CETN1: variants seen among roughly 807,000 people sequenced by gnomAD.
CETN1 encodes the protein centrin-1.
CETN1 carries 6 observed loss-of-function variants against 8.1 expected under a neutral mutation model. That is an observed-to-expected ratio of 0.74 (90% CI 0.40 to 1.46). The LOEUF (loss-of-function observed/expected upper bound fraction) is 1.46, where lower values mean the gene tolerates loss of function less well. Among genes scored for constraint, CETN1 ranks in the 40% most tolerant of loss-of-function variants. The pLI, the probability that CETN1 is intolerant of heterozygous loss-of-function variation, is 0.02. For missense variants in CETN1, 215 were observed against 226.2 expected, an observed-to-expected ratio of 0.95 and a Z score of 0.32; for synonymous variants, 99 against 90.3, an observed-to-expected ratio of 1.10 and a Z score of -0.55.
rs1005926859 is a variant in CETN1 at position 581,310 on chromosome 18, T to G, written c.*383T>G. 8 of 186,176 alleles carry G rather than the reference T, an allele frequency of 4.3e-5. No individual in the cohort carries two copies. Among genetic ancestry groups the G allele is most frequent in the Non-Finnish European group, 6.3e-5 (5 of 79,900 alleles). 11.5% of individuals were successfully genotyped at this position (186,176 alleles called of 1,614,324 possible). A position where few individuals can be genotyped will look rare whatever the true frequency, so the allele number is the denominator to read the frequency against. On this transcript the variant is annotated 3_prime_UTR_variant, in exon 1 of 1. Transcript: ENST00000327228. ...ATTATCTTGCTTCATATATCATTCC[T>G]TAAATTCCAGTCATTGTTCCAGCAT...
Position 580,773 on chromosome 18 carries a change from C to T in CETN1, c.365C>T (p.Ser122Leu), listed in dbSNP as rs139897799. ...GATGACGATGAGACCGGGAAGATCTCGTTCAAAAACCTGAAGCGTGTGGCC... is the reference window on the plus strand; with the variant it reads ...GATGACGATGAGACCGGGAAGATCTTGTTCAAAAACCTGAAGCGTGTGGCC... The part of the protein sequence containing the change: ...LFDDDETGKI[S>L]FKNLKRVANE... The change falls in exon 1 of 1, where the codon TCG (serine) becomes TTG (leucine). Residue 122 changes from serine to leucine, a missense_variant. Ser to Leu is a moderately radical substitution (Grantham distance 145). Transcript: ENST00000327228. This position sits in a 1 kb window ranked among gnomAD's most constrained non-coding sequence, Gnocchi z 6.1. 2.5e-6 allele frequency: 4 copies of T among 1,613,866 alleles called. No homozygotes were observed. The African/African-American group carries it at 5.3e-5, about 22-fold the overall frequency.
chr18:580,859 C>CG lies in CETN1; in HGVS notation c.454dup (p.Asp152GlyfsTer30). 1 of 1,613,968 alleles carries CG rather than the reference C, an allele frequency of 6.2e-7. No individual in the cohort carries two copies. Among genetic ancestry groups the CG allele is most frequent in the Non-Finnish European group, 8.5e-7 (1 of 1,179,996 alleles). ...GCAGGAGATGATCGACGAAGCTGAT[C>CG]GGGATGGGGACGGCGAAGTGAACGA... is the stretch of plus-strand genomic sequence containing the variant. On this transcript the variant is annotated frameshift_variant, in exon 1 of 1. Coordinates refer to ENST00000327228, the MANE Select transcript of CETN1 (RefSeq NM_004066.3). LOFTEE classifies it high-confidence loss of function. The surrounding 1 kb of genome is among the most constrained non-coding windows in gnomAD (Gnocchi z 6.1).
rs772991080 is a variant in CETN1 at position 580,812 on chromosome 18, A to T, written c.404A>T (p.Glu135Val). 2.2e-5 allele frequency: 36 copies of T among 1,613,968 alleles called. No individual in the cohort carries two copies. Among genetic ancestry groups the T allele is most frequent in the South Asian group, 1.1e-4 (10 of 91,076 alleles). Residue 135 changes from glutamate to valine, a missense_variant, in exon 1 of 1, where the codon GAG becomes GTG. Physicochemically the swap from Glu to Val is moderately radical, Grantham distance 121 (BLOSUM62 -2). Coordinates refer to ENST00000327228, the MANE Select transcript of CETN1 (RefSeq NM_004066.3). The surrounding 1 kb of genome is among the most constrained non-coding windows in gnomAD (Gnocchi z 6.1). ...NLKRVANELG[E>V]NLTDEELQEM... is the part of the protein sequence containing the mutation. ...AAGCGTGTGGCCAACGAGCTGGGGGAGAACCTCACGGATGAGGAGCTGCAG... is the reference window on the plus strand; with the variant it reads ...AAGCGTGTGGCCAACGAGCTGGGGGTGAACCTCACGGATGAGGAGCTGCAG...
rs767120557 is a variant in CETN1, at chr18:581,177, C to T, written c.*250C>T. ...GGGCCCTGAAGTTTGAGTGCGCCCT[C>T]CATTTGCCCTGTGCTGAACTTGCTG... On this transcript the variant is annotated 3_prime_UTR_variant, in exon 1 of 1. Coordinates refer to ENST00000327228, the MANE Select transcript of CETN1 (RefSeq NM_004066.3). 142 of 455,628 alleles carry T rather than the reference C, an allele frequency of 3.1e-4. No homozygotes were observed. The highest frequency in any genetic ancestry group is 2.4e-3 in the Middle Eastern group (4 of 1,670). 28.2% of individuals were successfully genotyped at this position (455,628 alleles called of 1,614,324 possible).
Position 580,801 on chromosome 18 carries a change from C to T in CETN1, c.393C>T (p.Asn131=), listed in dbSNP as rs933957984. ...TCAAAAACCTGAAGCGTGTGGCCAA[C>T]GAGCTGGGGGAGAACCTCACGGATG... ...ISFKNLKRVA[N]ELGENLTDEE... is the part of the protein sequence containing the mutation. Residue 131 remains asparagine, a synonymous_variant, in exon 1 of 1, where the codon AAC becomes AAT. Transcript: ENST00000327228. The surrounding 1 kb of genome is among the most constrained non-coding windows in gnomAD (Gnocchi z 6.1). 3 of 1,613,988 alleles carry T rather than the reference C, an allele frequency of 1.9e-6. No individual in the cohort carries two copies. Among genetic ancestry groups the T allele is most frequent in the East Asian group, 2.2e-5 (1 of 44,850 alleles).
Position 581,323 on chromosome 18 carries a change from AT to A in CETN1, c.*398del. 5.5e-6 allele frequency: 1 copy of A among 183,094 alleles called. No individual in the cohort carries two copies. The allele number at this position is 183,094 out of a possible 1,614,324, so 11.3% of individuals were successfully genotyped here. ...ATATATCATTCCTTAAATTCCAGTC[AT>A]TGTTCCAGCATAATGAGATGGAATC... On this transcript the variant is annotated 3_prime_UTR_variant, in exon 1 of 1. Coordinates refer to ENST00000327228, the MANE Select transcript of CETN1 (RefSeq NM_004066.3).
chr18:581,057 C>G lies in CETN1; in HGVS notation c.*130C>G, dbSNP rs1210904015. The G allele has an allele frequency of 2.2e-6, 2 of 929,842 alleles. No individual in the cohort carries two copies. Among genetic ancestry groups the G allele is most frequent in the Non-Finnish European group, 3.2e-6 (2 of 621,340 alleles). The allele number at this position is 929,842 out of a possible 1,614,324, so 57.6% of individuals were successfully genotyped here. A position where few individuals can be genotyped will look rare whatever the true frequency, so the allele number is the denominator to read the frequency against. Reference sequence around the variant, plus strand: ...AATTTGTCTAGATCTATTTCCATATCTCTAGTTCAATAATAGAATTTGAAA... The same window carrying G: ...AATTTGTCTAGATCTATTTCCATATGTCTAGTTCAATAATAGAATTTGAAA... On this transcript the variant is annotated 3_prime_UTR_variant, in exon 1 of 1. Coordinates refer to ENST00000327228, the MANE Select transcript of CETN1 (RefSeq NM_004066.3).
In CETN1 at chr18:580,594, CGAACCCAG is replaced by C. The variant is rs769769367; in HGVS notation, c.190_197del (p.Pro64GlyfsTer22). The C allele has an allele frequency of 3.0e-4, 483 of 1,613,964 alleles. No homozygotes were observed. The highest frequency in any genetic ancestry group is 3.7e-4 in the Non-Finnish European group (442 of 1,180,020). On this transcript the variant is annotated frameshift_variant, in exon 1 of 1. Transcript: ENST00000327228. LOFTEE classifies it high-confidence loss of function. This position sits in a 1 kb window ranked among gnomAD's most constrained non-coding sequence, Gnocchi z 6.1. ...AGGTGGCCATGAGAGCGCTGGGCTT[CGAACCCAG>C]GAAGGAAGAGATGAAGAAAATGATC...
At position 580,389 on chromosome 18, in the gene CETN1, A is replaced by G; in HGVS notation, c.-20A>G. ...AGCGCGGGGCGGTGCCGTTGGGACC[A>G]CGGCGGCCAGAGCGGCAGGATGGCT... is the stretch of plus-strand genomic sequence containing the variant. On this transcript the variant is annotated 5_prime_UTR_variant, in exon 1 of 1. Transcript: ENST00000327228. This position sits in a 1 kb window ranked among gnomAD's most constrained non-coding sequence, Gnocchi z 6.1. 1 of 1,552,034 alleles carries G rather than the reference A, an allele frequency of 6.4e-7. No homozygotes were observed. Among genetic ancestry groups the G allele is most frequent in the South Asian group, 1.2e-5 (1 of 84,148 alleles).
Position 580,751 on chromosome 18 carries a change from G to A in CETN1, c.343G>A (p.Asp115Asn), listed in dbSNP as rs2072545508. Reference sequence around the variant, plus strand: ...CCTGAAGGCCTTCAGGCTCTTTGATGACGATGAGACCGGGAAGATCTCGTT... The same window carrying A: ...CCTGAAGGCCTTCAGGCTCTTTGATAACGATGAGACCGGGAAGATCTCGTT... ...EILKAFRLFD[D>N]DETGKISFKN... Residue 115 changes from aspartate to asparagine, a missense_variant, in exon 1 of 1, where the codon GAC becomes AAC. Coordinates refer to ENST00000327228, the MANE Select transcript of CETN1 (RefSeq NM_004066.3). The surrounding 1 kb of genome is among the most constrained non-coding windows in gnomAD (Gnocchi z 6.1). 1.9e-6 allele frequency: 3 copies of A among 1,613,908 alleles called. No individual in the cohort carries two copies. Among genetic ancestry groups the A allele is most frequent in the South Asian group, 2.2e-5 (2 of 91,078 alleles).
chr18:580,893 T>A lies in CETN1; in HGVS notation c.485T>A (p.Phe162Tyr). The change falls in exon 1 of 1, where the codon TTC (phenylalanine) becomes TAC (tyrosine). Residue 162 changes from phenylalanine to tyrosine, a missense_variant. Transcript: ENST00000327228. The surrounding 1 kb of genome is among the most constrained non-coding windows in gnomAD (Gnocchi z 6.1). Reference protein sequence around the residue: ...DGDGEVNEEEFLRIMKKTSLY With the variant: ...DGDGEVNEEEYLRIMKKTSLY ...GACGGCGAAGTGAACGAGGAGGAGT[T>A]CCTTCGGATCATGAAGAAGACCAGC... 1 of 1,613,036 alleles carries A rather than the reference T, an allele frequency of 6.2e-7. No individual in the cohort carries two copies. Among genetic ancestry groups the A allele is most frequent in the South Asian group, 1.1e-5 (1 of 91,012 alleles).
rs367917221 is a variant in CETN1 at position 580,978 on chromosome 18, T to C, written c.*51T>C. ...CTCTGGGTTGCCTGCTTCCATTTTG[T>C]GAAACCTTAGAGGACAGCGGCTGCC... On this transcript the variant is annotated 3_prime_UTR_variant, in exon 1 of 1. Coordinates refer to ENST00000327228, the MANE Select transcript of CETN1 (RefSeq NM_004066.3). The surrounding 1 kb of genome is among the most constrained non-coding windows in gnomAD (Gnocchi z 6.1). 6.4e-7 allele frequency: 1 copy of C among 1,561,002 alleles called. No homozygotes were observed. The highest frequency in any genetic ancestry group is 8.7e-7 in the Non-Finnish European group (1 of 1,154,120).
Position 580,743 on chromosome 18 carries a change from T to G in CETN1, c.335T>G (p.Leu112Arg). ...GAAGAAATCCTGAAGGCCTTCAGGCTCTTTGATGACGATGAGACCGGGAAG... is the reference window on the plus strand; with the variant it reads ...GAAGAAATCCTGAAGGCCTTCAGGCGCTTTGATGACGATGAGACCGGGAAG... Reference protein sequence around the residue: ...TKEEILKAFRLFDDDETGKIS... With the variant: ...TKEEILKAFRRFDDDETGKIS... The change falls in exon 1 of 1, where the codon CTC (leucine) becomes CGC (arginine). Residue 112 changes from leucine to arginine, a missense_variant. Transcript: ENST00000327228. The surrounding 1 kb of genome is among the most constrained non-coding windows in gnomAD (Gnocchi z 6.1). 6.2e-7 allele frequency: 1 copy of G among 1,613,928 alleles called. No homozygotes were observed. Among genetic ancestry groups the G allele is most frequent in the African/African-American group, 1.3e-5 (1 of 74,988 alleles).
rs1176197883 is a variant in CETN1 at position 580,552 on chromosome 18, C to G, written c.144C>G (p.Ile48Met). The G allele has an allele frequency of 6.2e-7, 1 of 1,614,170 alleles. No individual in the cohort carries two copies. Among genetic ancestry groups the G allele is most frequent in the Non-Finnish European group, 8.5e-7 (1 of 1,180,028 alleles). ...DLFDVDGSGT[I>M]DAKELKVAMR... Reference sequence around the variant, plus strand: ...TCGACGTGGACGGAAGTGGGACCATCGACGCGAAGGAGCTGAAGGTGGCCA... The same window carrying G: ...TCGACGTGGACGGAAGTGGGACCATGGACGCGAAGGAGCTGAAGGTGGCCA... Residue 48 changes from isoleucine to methionine, a missense_variant, in exon 1 of 1, where the codon ATC becomes ATG. Coordinates refer to ENST00000327228, the MANE Select transcript of CETN1 (RefSeq NM_004066.3). This position sits in a 1 kb window ranked among gnomAD's most constrained non-coding sequence, Gnocchi z 6.1.
At position 581,782 on chromosome 18, in the gene CETN1, G is replaced by C. The variant is rs561871843; in HGVS notation, c.*855G>C. 3 of 166,500 alleles carry C rather than the reference G, an allele frequency of 1.8e-5. No individual in the cohort carries two copies. Among genetic ancestry groups the C allele is most frequent in the Middle Eastern group, 3.4e-3 (1 of 296 alleles). The allele number at this position is 166,500 out of a possible 1,614,324, so 10.3% of individuals were successfully genotyped here. The stretch of plus-strand genomic sequence containing the variant: ...ATAGCAACAAATATCTTAGTTATTG[G>C]ACTATTATAACCTTAGTCATCTTAT... On this transcript the variant is annotated 3_prime_UTR_variant, in exon 1 of 1. Transcript: ENST00000327228.
In CETN1 at chr18:581,941, T is replaced by A. The variant is rs551505794; in HGVS notation, c.*1014T>A. The stretch of plus-strand genomic sequence containing the variant: ...TTTCAGTAGTGCTCTATTTTACAAA[T>A]CCCAGTAAACTGCTCCACTGTGGCT... On this transcript the variant is annotated 3_prime_UTR_variant, in exon 1 of 1. Coordinates refer to ENST00000327228, the MANE Select transcript of CETN1 (RefSeq NM_004066.3). The A allele has an allele frequency of 6.0e-6, 1 of 167,170 alleles. No homozygotes were observed. Among genetic ancestry groups the A allele is most frequent in the East Asian group, 1.9e-4 (1 of 5,190 alleles). 10.4% of individuals were successfully genotyped at this position (167,170 alleles called of 1,614,324 possible).
rs753308532 is a variant in CETN1, at chr18:581,409, G to GTGGC, written c.*483_*486dup. 2.9e-4 allele frequency: 49 copies of GTGGC among 170,666 alleles called. No individual in the cohort carries two copies. The highest frequency in any genetic ancestry group is 6.1e-4 in the Non-Finnish European group (43 of 70,440). The allele number at this position is 170,666 out of a possible 1,614,324, so 10.6% of individuals were successfully genotyped here. The stretch of plus-strand genomic sequence containing the variant: ...GAATACCAGTTTGAAGGAAAACAGG[G>GTGGC]TGGCCACTTACAAACTTACGGAGCT... On this transcript the variant is annotated 3_prime_UTR_variant, in exon 1 of 1. Transcript: ENST00000327228.
rs906556751 is a variant in CETN1 at position 582,041 on chromosome 18, A to G, written c.*1114A>G. ...TTGGAGTAAGATATCATCATTTTGC[A>G]TAGCTACAAATCTGAAGTTAAAGAA... On this transcript the variant is annotated 3_prime_UTR_variant, in exon 1 of 1. Transcript: ENST00000327228. The G allele has an allele frequency of 1.8e-5, 3 of 165,882 alleles. No homozygotes were observed. Among genetic ancestry groups the G allele is most frequent in the Non-Finnish European group, 2.9e-5 (2 of 68,116 alleles). The allele number at this position is 165,882 out of a possible 1,614,324, so 10.3% of individuals were successfully genotyped here. A position where few individuals can be genotyped will look rare whatever the true frequency, so the allele number is the denominator to read the frequency against.
rs114552098 is a variant in CETN1, at chr18:580,696, G to A, written c.288G>A (p.Lys96=). Residue 96 remains lysine, a synonymous_variant, in exon 1 of 1, where the codon AAG becomes AAA. Transcript: ENST00000327228. The surrounding 1 kb of genome is among the most constrained non-coding windows in gnomAD (Gnocchi z 6.1). ...FNDFLAVMTQ[K]MSEKDTKEEI... is the part of the protein sequence containing the mutation. The stretch of plus-strand genomic sequence containing the variant: ...ACTTCCTGGCCGTGATGACGCAGAA[G>A]ATGTCCGAGAAGGACACCAAAGAAG... 8.1e-6 allele frequency: 13 copies of A among 1,613,936 alleles called. No homozygotes were observed. In the African/African-American group the frequency reaches 1.5e-4, roughly 18 times the overall value.
Sources: gnomAD v4.1 joint callset for allele counts on GRCh38, gnomAD v4.1.1 for gene constraint, Gnocchi (gnomAD v3.1) non-coding constraint, MANE v1.5 for transcripts, NCBI Gene and HGNC (gene_info 2026-07-23, HGNC 2026-07-21) for gene names.